The following PRMT3 variants were observed in gnomAD, a reference collection of about 807,000 sequenced individuals.
PRMT3 encodes the protein protein arginine N-methyltransferase 3.
PRMT3 carries 62 observed loss-of-function variants against 71.9 expected under a neutral mutation model. The ratio of observed to expected loss-of-function variants is 0.86; its 90% confidence interval spans 0.70 to 1.07. The LOEUF (loss-of-function observed/expected upper bound fraction) is 1.07, where lower values mean the gene tolerates loss of function less well. Ranked by LOEUF, PRMT3 falls within the 50% of genes least tolerant of loss-of-function variation. The pLI is 0.00. For missense variants in PRMT3, 663 were observed against 643.0 expected (o/e 1.03, Z -0.34); for synonymous variants, 213 against 220.4 (o/e 0.97, Z 0.30).
chr11:20,435,450 C>T (rs1849741445), intron 10 of PRMT3, among the ~76,000 whole-genome samples: 1 of 152,138 alleles, frequency 6.6e-6, no homozygotes, highest in Non-Finnish European at 1.5e-5. Context: ...CAGCCACCCA[C>T]GTCAGCCTCC....
intron 10 of PRMT3, 95 bp downstream of exon 10, chr11:20,426,960 GC>G: frequency 7.1e-7 from 1 of 1,403,736 alleles, no homozygotes; most frequent in Non-Finnish European, 9.3e-7. Context: ...TTGATACATG[GC>G]AGAATGGTGA....
At chr11:20,436,613 G>A (rs1849765926) in intron 10 of PRMT3, among the ~76,000 whole-genome samples, 1 of 152,004 alleles carries the variant, frequency 6.6e-6, no homozygotes, top group Non-Finnish European at 1.5e-5. Context: ...TGTCATCCTT[G>A]CATATCTGGG....
At chr11:20,498,499 C>A (rs1165458106) in intron 15 of PRMT3, among the ~76,000 whole-genome samples, 1 of 152,180 alleles carries the variant, frequency 6.6e-6, no homozygotes, top group African/African-American at 2.4e-5. Context: ...GAGGCCGAGG[C>A]AGGCAGATTG....
intron 13 of PRMT3, among the ~76,000 whole-genome samples, chr11:20,476,754 A>AG (rs200222707): frequency 0.4 from 11,459 of 28,962 alleles, 561 homozygotes; most frequent in Non-Finnish European, 0.48. Context: ...TCATTTTTAG[A>AG]GTTTTTTTAT....
At chr11:20,474,554 T>C (rs996800784) in intron 13 of PRMT3, among the ~76,000 whole-genome samples, 1 of 152,166 alleles carries the variant, frequency 6.6e-6, no homozygotes, top group Non-Finnish European at 1.5e-5. Flanking sequence ...ACAGGTGCTA[T>C]GTATTGGACC....
At chr11:20,409,512 C>A (rs1045903341) in intron 9 of PRMT3, among the ~76,000 whole-genome samples, 2 of 152,100 alleles carry the variant, frequency 1.3e-5, no homozygotes, top group Non-Finnish European at 2.9e-5. Context: ...CTATTGCCCA[C>A]CACATGTTAA....
At chr11:20,390,826 G>A (rs1485534225) in intron 3 of PRMT3, among the ~76,000 whole-genome samples, 1 of 152,136 alleles carries the variant, frequency 6.6e-6, no homozygotes. Context: ...CAAGGCGGAT[G>A]GATCACAAGG....
chr11:20,436,962 T>A (rs532819305), intron 10 of PRMT3, among the ~76,000 whole-genome samples: 1 of 152,260 alleles, frequency 6.6e-6, no homozygotes, highest in South Asian at 2.1e-4. Context: ...GTTACTTGTG[T>A]TCTGTTCAGA....
At chr11:20,432,502 A>T (rs534053916) in intron 10 of PRMT3, among the ~76,000 whole-genome samples, 1 of 152,134 alleles carries the variant, frequency 6.6e-6, no homozygotes, top group Admixed American at 6.5e-5. Flanking sequence ...GCTATTGTGA[A>T]TAGTGCTGTT....
intron 10 of PRMT3, among the ~76,000 whole-genome samples, chr11:20,446,015 T>G (rs79255383): frequency 0.03 from 4,551 of 152,206 alleles, 226 homozygotes; most frequent in African/African-American, 0.1. Context: ...ATTTCCAGTT[T>G]ATTACGCAAA....
chr11:20,431,179 CAG>C (rs1444107779), intron 10 of PRMT3, among the ~76,000 whole-genome samples: 1 of 152,056 alleles, frequency 6.6e-6, no homozygotes, highest in Non-Finnish European at 1.5e-5. Flanking sequence ...CGTTCCCAAA[CAG>C]AAATTCGCTG....
At chr11:20,416,477 A>G (rs540012836) in intron 9 of PRMT3, among the ~76,000 whole-genome samples, 127 of 152,188 alleles carry the variant, frequency 8.3e-4, no homozygotes, top group African/African-American at 2.9e-3. Context: ...ATGTGTCCCA[A>G]CTACCAGGAA....
At chr11:20,503,868 TG>T (rs1390270345) in intron 15 of PRMT3, among the ~76,000 whole-genome samples, 4 of 152,328 alleles carry the variant, frequency 2.6e-5, no homozygotes, top group African/African-American at 9.6e-5. Context: ...CTGGGTCTTA[TG>T]GTAAGTGTAT....
intron 10 of PRMT3, among the ~76,000 whole-genome samples, chr11:20,444,295 T>G (rs1849975086): frequency 6.6e-6 from 1 of 152,202 alleles, no homozygotes; most frequent in Non-Finnish European, 1.5e-5. Flanking sequence ...CTTGGCATAC[T>G]CATTCATTTA....
chr11:20,494,343 T>C, intron 15 of PRMT3, 89 bp downstream of exon 15: 1 of 1,138,386 alleles, frequency 8.8e-7, no homozygotes, highest in Admixed American at 2.1e-5. Flanking sequence ...ATGTGCACAC[T>C]ATATTTGTTT....
chr11:20,460,147 T>C (rs539135650), intron 11 of PRMT3, among the ~76,000 whole-genome samples: 2 of 152,310 alleles, frequency 1.3e-5, no homozygotes, highest in East Asian at 3.9e-4. Flanking sequence ...TGTCATTGAA[T>C]AATAAAATTG....
intron 10 of PRMT3, among the ~76,000 whole-genome samples, chr11:20,441,275 AT>A (rs1849891729): frequency 7.6e-6 from 1 of 131,016 alleles, no homozygotes; most frequent in South Asian, 2.2e-4. Context: ...TTATTTATTT[AT>A]TTATTTATTT....
In PRMT3 at chr11:20,437,955, C is replaced by A. The variant is rs183935056; in HGVS notation, c.993+11090C>A. Among the ~76,000 whole-genome samples, 7 of 152,232 alleles carry A rather than the reference C, an allele frequency of 4.6e-5. No individual in the cohort carries two copies. In the East Asian group the frequency reaches 1.4e-3, roughly 30 times the overall value. On this transcript the variant is annotated intron_variant, in intron 10 of 15. Coordinates refer to ENST00000331079, the MANE Select transcript of PRMT3 (RefSeq NM_005788.4). ...GGGAGATCCTCATGTTTTCATTTTT[C>A]CTACAATAGGAAGACTTAGCTGACC... is the stretch of plus-strand genomic sequence containing the variant.
At chr11:20,393,330 C>T (rs894490935) in intron 5 of PRMT3, among the ~76,000 whole-genome samples, 1 of 152,066 alleles carries the variant, frequency 6.6e-6, no homozygotes, top group Admixed American at 6.6e-5. Flanking sequence ...TTCTGTAGTC[C>T]CATCTACTCG....
Sources: allele counts gnomAD v4.1 joint callset (sites outside exome capture counted in the v4.1 genomes callset), GRCh38; gene constraint gnomAD v4.1.1; transcripts MANE v1.5; gene names NCBI Gene and HGNC (gene_info 2026-07-23, HGNC 2026-07-21).